The following CSMD1 variants were observed in gnomAD, a reference collection of about 807,000 sequenced individuals.
CSMD1 encodes CUB and Sushi multiple domains 1, also known as CUB and sushi domain-containing protein 1.
CSMD1 carries 213 observed loss-of-function variants against 417.5 expected under a neutral mutation model. The observed-to-expected ratio is 0.51, with a 90% CI of 0.46 to 0.57. CSMD1 has a LOEUF of 0.57. CSMD1 is among the 20% of genes least tolerant of loss of function. The pLI is 0.00. For synonymous variants in CSMD1, 2,862 were observed against 1,736.8 expected, an observed-to-expected ratio of 1.65 and a Z score of -16.11; for missense variants, 6,923 against 4,529.7, an observed-to-expected ratio of 1.53 and a Z score of -15.17.
chr8:3,277,550 G>T (rs1036730083), intron 26 of CSMD1, among the ~76,000 whole-genome samples: 1 of 152,088 alleles, frequency 6.6e-6, no homozygotes, highest in East Asian at 1.9e-4. Flanking sequence ...TCTAAAAATG[G>T]CTCCAAAAGT....
intron 1 of CSMD1, among the ~76,000 whole-genome samples, chr8:4,814,687 A>G (rs1290417304): frequency 6.6e-6 from 1 of 152,198 alleles, no homozygotes; most frequent in African/African-American, 2.4e-5. Context: ...ACACAACAGC[A>G]AATCCCAGCT....
At chr8:3,335,894 G>A (rs1807230751) in intron 23 of CSMD1, among the ~76,000 whole-genome samples, 2 of 152,144 alleles carry the variant, frequency 1.3e-5, no homozygotes, top group African/African-American at 4.8e-5. Flanking sequence ...AGAGCAGAAG[G>A]TAGAAACCTG....
At chr8:4,233,253 G>C (rs1031692436) in intron 3 of CSMD1, among the ~76,000 whole-genome samples, 6 of 152,120 alleles carry the variant, frequency 3.9e-5, no homozygotes, top group Admixed American at 3.3e-4. Context: ...TGACAGGGAA[G>C]ATCAGCTTCT....
intron 5 of CSMD1, among the ~76,000 whole-genome samples, chr8:3,828,150 C>T (rs1384401025): frequency 6.6e-6 from 1 of 152,144 alleles, no homozygotes; most frequent in Admixed American, 6.5e-5. Context: ...AATTGAAAGT[C>T]ACTTAACATT....
At chr8:3,292,567 T>G (rs937522715) in intron 25 of CSMD1, among the ~76,000 whole-genome samples, 2 of 152,218 alleles carry the variant, frequency 1.3e-5, no homozygotes, top group Non-Finnish European at 2.9e-5. Flanking sequence ...AATTGATCCC[T>G]TTACCATTAT....
intron 12 of CSMD1, among the ~76,000 whole-genome samples, chr8:3,411,637 C>T (rs111583197): frequency 3.8e-5 from 5 of 132,982 alleles, no homozygotes; most frequent in East Asian, 2.6e-4. Context: ...TCCTTATTAT[C>T]GTTCAGTAGT....
intron 49 of CSMD1, among the ~76,000 whole-genome samples, chr8:3,065,945 G>C (rs958900913): frequency 6.6e-6 from 1 of 152,148 alleles, no homozygotes; most frequent in African/African-American, 2.4e-5. Context: ...AAGCCAGCCA[G>C]AGTCTTTCTC....
chr8:4,415,872 A>G (rs1387805312), intron 3 of CSMD1, among the ~76,000 whole-genome samples: 1 of 152,182 alleles, frequency 6.6e-6, no homozygotes, highest in Non-Finnish European at 1.5e-5. Context: ...ATACAAGAGG[A>G]AACAGTGAGT....
intron 7 of CSMD1, among the ~76,000 whole-genome samples, chr8:3,644,231 G>C (rs1342005889): frequency 6.6e-6 from 1 of 152,194 alleles, no homozygotes; most frequent in East Asian, 1.9e-4. Flanking sequence ...AACTCCCCAG[G>C]TCGTTGAGGT....
At chr8:3,711,319 G>C (rs1364474306) in intron 6 of CSMD1, among the ~76,000 whole-genome samples, 1 of 152,160 alleles carries the variant, frequency 6.6e-6, no homozygotes, top group Non-Finnish European at 1.5e-5. Flanking sequence ...TCTTGTGGAA[G>C]ACGAGGAGGT....
At chr8:3,750,072 G>C (rs545437769) in intron 6 of CSMD1, among the ~76,000 whole-genome samples, 3 of 152,212 alleles carry the variant, frequency 2.0e-5, no homozygotes, top group Non-Finnish European at 2.9e-5. Flanking sequence ...GGAATTTCAA[G>C]CTGTTTGTTT....
At chr8:3,231,123 C>T (rs1024065932) in intron 26 of CSMD1, among the ~76,000 whole-genome samples, 4 of 152,186 alleles carry the variant, frequency 2.6e-5, no homozygotes, top group African/African-American at 9.7e-5. Context: ...CTCTAAAATA[C>T]AGCAGCCTCA....
chr8:3,436,507 T>G (rs1814576400), intron 12 of CSMD1, among the ~76,000 whole-genome samples: 1 of 152,214 alleles, frequency 6.6e-6, no homozygotes, highest in Admixed American at 6.5e-5. Flanking sequence ...ATTAATTATG[T>G]AAATTAAGTG....
intron 3 of CSMD1, among the ~76,000 whole-genome samples, chr8:4,136,059 G>A (rs13279854): frequency 0.34 from 51,634 of 151,860 alleles, 8,986 homozygotes; most frequent in Middle Eastern, 0.45. Context: ...AATGGCACTT[G>A]GCAAGAGAAA....
chr8:4,089,450 G>T lies in CSMD1; in HGVS notation c.416-57351C>A, dbSNP rs553382222. On this transcript the variant is annotated intron_variant, in intron 3 of 69. Transcript: ENST00000635120. The stretch of plus-strand genomic sequence containing the variant: ...GTGTCATTATTTTTCACTCATTTTT[G>T]TGTCCTTCATAGTTTTCAAAAAAGG... 5.5e-4 allele frequency among the ~76,000 whole-genome samples: 83 copies of T among 152,162 alleles called. 3 individuals are homozygous for T. The highest frequency in any genetic ancestry group is 1.9e-3 in the African/African-American group (80 of 41,524).
At chr8:4,886,413 G>T (rs1432012302) in intron 1 of CSMD1, among the ~76,000 whole-genome samples, 8 of 151,838 alleles carry the variant, frequency 5.3e-5, no homozygotes, top group East Asian at 1.9e-4. Flanking sequence ...ATAATGTTTT[G>T]TTGAGGAAAT....
chr8:3,397,229 C>T (rs967059001), intron 16 of CSMD1, among the ~76,000 whole-genome samples: 1 of 152,174 alleles, frequency 6.6e-6, no homozygotes, highest in African/African-American at 2.4e-5. Flanking sequence ...TCATAAGACT[C>T]TGACTCACTC....
chr8:3,849,979 C>G (rs917285650), intron 5 of CSMD1, among the ~76,000 whole-genome samples: 1 of 145,946 alleles, frequency 6.9e-6, no homozygotes, highest in Non-Finnish European at 1.5e-5. Flanking sequence ...CCATGCTCGG[C>G]TAATTTGTGT....
chr8:3,274,792 T>A (rs113719181), intron 26 of CSMD1, among the ~76,000 whole-genome samples: 1 of 152,314 alleles, frequency 6.6e-6, no homozygotes, highest in African/African-American at 2.4e-5. Context: ...TAGATCTTCC[T>A]CCATCCTTTC....
Sources: allele counts gnomAD v4.1 joint callset (sites outside exome capture counted in the v4.1 genomes callset), GRCh38; gene constraint gnomAD v4.1.1; transcripts MANE v1.5; gene names NCBI Gene and HGNC (gene_info 2026-07-23, HGNC 2026-07-21).